KIAA0319: variants seen among roughly 807,000 people sequenced by gnomAD.
The protein encoded by KIAA0319 is dyslexia-associated protein KIAA0319.
In KIAA0319, 83 loss-of-function variants were observed where a neutral mutation model predicts 108.4. The ratio of observed to expected loss-of-function variants is 0.77; its 90% CI spans 0.64 to 0.92. The LOEUF is 0.92. KIAA0319 is among the 40% of genes least tolerant of loss of function. KIAA0319 has a pLI of 0.00. For synonymous variants in KIAA0319, 484 were observed against 510.4 expected (o/e 0.95, Z 0.70); for missense variants, 1,195 against 1,322.4 (o/e 0.90, Z 1.49).
chr6:24,581,941 C>T (rs546162320), intron 6 of KIAA0319, among the ~76,000 whole-genome samples: 1 of 152,286 alleles, frequency 6.6e-6, no homozygotes, highest in South Asian at 2.1e-4. Context: ...GTCAGGAATT[C>T]AAAACCAGCC....
At chr6:24,611,182 T>G (rs1772261683) in intron 1 of KIAA0319, among the ~76,000 whole-genome samples, 1 of 151,990 alleles carries the variant, frequency 6.6e-6, no homozygotes, top group Non-Finnish European at 1.5e-5. Flanking sequence ...TGCTTTTTTT[T>G]TTTTTTTGAA....
chr6:24,590,225 G>C (rs1768252473), intron 3 of KIAA0319, among the ~76,000 whole-genome samples: 1 of 150,920 alleles, frequency 6.6e-6, no homozygotes, highest in Non-Finnish European at 1.5e-5. Flanking sequence ...AATAGTAACT[G>C]AGCCCCTACT....
intron 1 of KIAA0319, among the ~76,000 whole-genome samples, chr6:24,606,841 C>T (rs1222670693): frequency 6.6e-6 from 1 of 152,170 alleles, no homozygotes; most frequent in Non-Finnish European, 1.5e-5. Flanking sequence ...ATCTTTTCTT[C>T]TTCCTGCTGC....
intron 1 of KIAA0319, among the ~76,000 whole-genome samples, chr6:24,607,343 C>A (rs1169085857): frequency 6.6e-6 from 1 of 151,078 alleles, no homozygotes; most frequent in East Asian, 1.9e-4. Flanking sequence ...GCAACAAAAG[C>A]TAGACTCCAT....
intron 1 of KIAA0319, among the ~76,000 whole-genome samples, chr6:24,605,132 T>C (rs1283323135): frequency 2.0e-5 from 3 of 152,238 alleles, no homozygotes; most frequent in Admixed American, 6.5e-5. Context: ...TGAGCCACCA[T>C]GCCCGGCCAA....
chr6:24,564,151 A>G, intron 15 of KIAA0319, 51 bp downstream of exon 15: 1 of 1,611,112 alleles, frequency 6.2e-7, no homozygotes, highest in Non-Finnish European at 8.5e-7. Flanking sequence ...AAGACCCCAA[A>G]GGCTGACCAG....
At position 24,544,448 on chromosome 6, in the gene KIAA0319, G is replaced by C. The variant is rs903431201; in HGVS notation, c.*2717C>G. On this transcript the variant is annotated 3_prime_UTR_variant, in exon 21 of 21. Coordinates refer to ENST00000378214, the MANE Select transcript of KIAA0319 (RefSeq NM_014809.4). The stretch of plus-strand genomic sequence containing the variant: ...AATATATTTTAAGCAATAAAACCAA[G>C]ATTAAAATAGTCCATGATAGCTTTG... 1 of 152,158 alleles carries C rather than the reference G, an allele frequency of 6.6e-6. No individual in the cohort carries two copies. The highest frequency in any genetic ancestry group is 1.9e-4 in the East Asian group (1 of 5,194). The allele number at this position is 152,158 out of a possible 1,614,324, so 9.4% of individuals were successfully genotyped here.
rs758836206 is a variant in KIAA0319, at chr6:24,580,935, C to G, written c.1270G>C (p.Val424Leu). The change falls in exon 7 of 21, where the codon GTT becomes CTT. Residue 424 changes from valine to leucine, a missense_variant. Val to Leu is a conservative substitution (Grantham distance 32). Transcript: ENST00000378214. ...TCTTACACCGGCTTACCAGGCTTAA[C>G]AGTGACATTGACAAATCCTTCTCCA... Reference protein sequence around the residue: ...AFGEGFVNVTVKPARRVNLPP... With the variant: ...AFGEGFVNVTLKPARRVNLPP... 6.2e-7 allele frequency: 1 copy of G among 1,608,834 alleles called. No individual in the cohort carries two copies. The highest frequency in any genetic ancestry group is 8.5e-7 in the Non-Finnish European group (1 of 1,175,536).
At chr6:24,556,537 T>C (rs1466006860) in intron 18 of KIAA0319, 70 bp downstream of exon 18, 13 of 1,542,670 alleles carry the variant, frequency 8.4e-6, no homozygotes, top group African/African-American at 2.8e-5. Flanking sequence ...ATTAGGCAGA[T>C]ATTTCTGATA....
chr6:24,620,436 G>C (rs1773770488), intron 1 of KIAA0319, among the ~76,000 whole-genome samples: 1 of 152,188 alleles, frequency 6.6e-6, no homozygotes, highest in Non-Finnish European at 1.5e-5. Context: ...AACTAGCTGA[G>C]ATTACAGGTA....
intron 1 of KIAA0319, among the ~76,000 whole-genome samples, chr6:24,635,108 CT>C (rs543116708): frequency 3.2e-3 from 455 of 142,514 alleles, no homozygotes; most frequent in Middle Eastern, 3.6e-3. Context: ...TTCTTTCTTT[CT>C]TTTTTTTTTT....
At chr6:24,566,467 C>A (rs1763911338) in intron 14 of KIAA0319, 130 bp downstream of exon 14, 1 of 741,810 alleles carries the variant, frequency 1.3e-6, no homozygotes. Flanking sequence ...AAATTAAGTT[C>A]TGTTGTTTAA....
chr6:24,576,907 A>T (rs1025688821), intron 9 of KIAA0319, among the ~76,000 whole-genome samples: 25 of 152,098 alleles, frequency 1.6e-4, no homozygotes, highest in Non-Finnish European at 3.4e-4. Flanking sequence ...CTCAGGCAGC[A>T]GAGCAACAGA....
chr6:24,541,066 T>G (rs1760178983), downstream of KIAA0319, among the ~76,000 whole-genome samples: 1 of 152,226 alleles, frequency 6.6e-6, no homozygotes, highest in Non-Finnish European at 1.5e-5. Flanking sequence ...TGGCAGTACC[T>G]CTTCATAAAT....
intron 17 of KIAA0319, among the ~76,000 whole-genome samples, chr6:24,557,947 C>A (rs1299990354): frequency 1.3e-5 from 2 of 151,818 alleles, no homozygotes; most frequent in African/African-American, 4.8e-5. Flanking sequence ...ATCATGTCAT[C>A]CTGATTGTAG....
chr6:24,597,914 T>C (rs1463816879), intron 2 of KIAA0319: 10 of 35,208 alleles, frequency 2.8e-4, no homozygotes, highest in Non-Finnish European at 5.5e-4. Flanking sequence ...CAAGACCCTA[T>C]CTCAAAAAAA....
At chr6:24,610,928 C>G (rs1772208896) in intron 1 of KIAA0319, among the ~76,000 whole-genome samples, 1 of 152,118 alleles carries the variant, frequency 6.6e-6, no homozygotes, top group Admixed American at 6.5e-5. Context: ...AGTACTAATA[C>G]ATGCTAGAGC....
chr6:24,599,759 G>A lies in KIAA0319; in HGVS notation c.55+1290C>T, dbSNP rs532523038. ...TCGAGATTTGTGATAGGAAACTGGT[G>A]TCTGAGTCCTCTGATGTTCTGCCCA... On this transcript the variant is annotated intron_variant, in intron 2 of 20. Coordinates refer to ENST00000378214, the MANE Select transcript of KIAA0319 (RefSeq NM_014809.4). The surrounding 1 kb of genome is among the most constrained non-coding windows in gnomAD (Gnocchi z 4.1). 67 of 529,146 alleles carry A rather than the reference G, an allele frequency of 1.3e-4. No individual in the cohort carries two copies. Among genetic ancestry groups the A allele is most frequent in the South Asian group, 9.5e-4 (55 of 58,144 alleles). The allele number at this position is 529,146 out of a possible 1,614,324, so 32.8% of individuals were successfully genotyped here. A position where few individuals can be genotyped will look rare whatever the true frequency, so the allele number is the denominator to read the frequency against.
At chr6:24,586,970 AC>A (rs969558987) in intron 4 of KIAA0319, among the ~76,000 whole-genome samples, 2 of 150,162 alleles carry the variant, frequency 1.3e-5, no homozygotes, top group African/African-American at 4.9e-5. Context: ...TCCTCAGCTA[AC>A]CCCCCTCTCT....
Sources: allele counts gnomAD v4.1 joint callset (sites outside exome capture counted in the v4.1 genomes callset), GRCh38; gene constraint gnomAD v4.1.1; non-coding constraint Gnocchi (gnomAD v3.1); transcripts MANE v1.5; gene names NCBI Gene and HGNC (gene_info 2026-07-23, HGNC 2026-07-21).